The following KANSL3 variants were observed in gnomAD, a reference collection of about 807,000 sequenced individuals.
KANSL3 encodes the protein NSL complex protein NSL3.
In KANSL3, 16 loss-of-function variants were observed where a neutral mutation model predicts 89.2. The observed-to-expected ratio is 0.18, with a 90% CI of 0.12 to 0.27. KANSL3 has a LOEUF of 0.27. KANSL3 is among the 10% of genes least tolerant of loss of function. The pLI, the probability that KANSL3 is intolerant of heterozygous loss-of-function variation, is 1.00. For synonymous variants in KANSL3, 385 were observed against 419.7 expected (o/e 0.92, Z 1.01); for missense variants, 879 against 1,110.6 (o/e 0.79, Z 2.96).
chr2:96,626,219 A>AT (rs1336489644), intron 3 of KANSL3, among the ~76,000 whole-genome samples: 8 of 151,780 alleles, frequency 5.3e-5, no homozygotes, highest in Non-Finnish European at 7.4e-5. Context: ...TATCTAAAGG[A>AT]TTTTTTTTTA....
At chr2:96,615,450 T>C (rs1455822596) in intron 5 of KANSL3, 38 of 1,097,280 alleles carry the variant, frequency 3.5e-5, no homozygotes, top group African/African-American at 6.5e-5. Context: ...AATGTGACAT[T>C]ACAGATGTGC....
chr2:96,604,761 G>A lies in KANSL3; in HGVS notation c.2018+18C>T. The A allele has an allele frequency of 1.3e-6, 2 of 1,570,110 alleles. No individual in the cohort carries two copies. ...AGGGAAAAAAGGAATAGACACAGAT[G>A]GTCCAATAAACACTCACTTGGCTGT... On this transcript the variant is annotated intron_variant, in intron 16 of 20. Transcript: ENST00000431828.
At chr2:96,584,386 G>A in the KANSL3 span, among the ~76,000 whole-genome samples, 1 of 152,200 alleles carries the variant, frequency 6.6e-6, no homozygotes, top group Non-Finnish European at 1.5e-5. Flanking sequence ...TTCAAAGCGT[G>A]TATACAATGT....
chr2:96,608,749 G>A, intron 13 of KANSL3, 85 bp from the exon 14 acceptor site: 1 of 1,579,264 alleles, frequency 6.3e-7, no homozygotes, highest in Non-Finnish European at 8.7e-7. Context: ...AATTCCCCTT[G>A]TAGGAACTCA....
chr2:96,631,194 G>T, intron 3 of KANSL3, 118 bp downstream of exon 3: 2 of 739,708 alleles, frequency 2.7e-6, no homozygotes, highest in East Asian at 2.7e-5. Flanking sequence ...GTGAGACTTT[G>T]GAGAACACTC....
chr2:96,627,377 C>A (rs1436879690), intron 3 of KANSL3, among the ~76,000 whole-genome samples: 3 of 152,014 alleles, frequency 2.0e-5, no homozygotes, highest in East Asian at 3.9e-4. Flanking sequence ...ACCACACCAG[C>A]TAATTTTTAC....
At chr2:96,609,942 C>T (rs577503514) in intron 11 of KANSL3, among the ~76,000 whole-genome samples, 3 of 115,494 alleles carry the variant, frequency 2.6e-5, no homozygotes, top group South Asian at 2.8e-4. Context: ...CAGAGCCAGG[C>T]GCCACCTCAA....
intron 3 of KANSL3, among the ~76,000 whole-genome samples, chr2:96,630,432 T>C (rs1265344333): frequency 6.6e-6 from 1 of 152,208 alleles, no homozygotes; most frequent in African/African-American, 2.4e-5. Context: ...AAAGACCACA[T>C]ATTGCATGAT....
At chr2:96,617,198 G>A (rs1311833862) in intron 5 of KANSL3, among the ~76,000 whole-genome samples, 1 of 152,174 alleles carries the variant, frequency 6.6e-6, no homozygotes, top group Non-Finnish European at 1.5e-5. Context: ...ACAGGGGAAA[G>A]TCTGGGACTC....
chr2:96,635,657 G>A (rs935989615), intron 2 of KANSL3, among the ~76,000 whole-genome samples: 1 of 152,152 alleles, frequency 6.6e-6, no homozygotes, highest in African/African-American at 2.4e-5. Context: ...TAAAGTCATT[G>A]GGAAATGAAA....
Position 96,612,358 on chromosome 2 carries a change from A to G in KANSL3, c.1015-5T>C. The G allele has an allele frequency of 6.2e-7, 1 of 1,613,282 alleles. No individual in the cohort carries two copies. The highest frequency in any genetic ancestry group is 8.5e-7 in the Non-Finnish European group (1 of 1,179,260). Reference sequence around the variant, plus strand: ...GTGTGGGAAATGGCTGTGAATCTTCATGGGAAGAGAAAGAAGACAGTAAGA... The same window carrying G: ...GTGTGGGAAATGGCTGTGAATCTTCGTGGGAAGAGAAAGAAGACAGTAAGA... On this transcript the variant is annotated splice_polypyrimidine_tract_variant and splice_region_variant and intron_variant, in intron 8 of 20. Transcript: ENST00000431828.
chr2:96,599,232 C>T (rs2066857683), intron 20 of KANSL3, among the ~76,000 whole-genome samples: 1 of 152,030 alleles, frequency 6.6e-6, no homozygotes, highest in African/African-American at 2.4e-5. Flanking sequence ...ACTTAACATA[C>T]AAAAGTGAAC....
At chr2:96,584,401 T>C in the KANSL3 span, among the ~76,000 whole-genome samples, 1 of 152,242 alleles carries the variant, frequency 6.6e-6, no homozygotes, top group Non-Finnish European at 1.5e-5. Context: ...CAATGTGTAA[T>C]GATCAAATCA....
chr2:96,620,766 G>A (rs943184342), intron 3 of KANSL3, among the ~76,000 whole-genome samples: 1 of 152,196 alleles, frequency 6.6e-6, no homozygotes, highest in Non-Finnish European at 1.5e-5. Flanking sequence ...ACTTTGGGAG[G>A]CCAAGTGGAG....
chr2:96,629,323 CTT>C (rs977532774), intron 3 of KANSL3, among the ~76,000 whole-genome samples: 1 of 151,914 alleles, frequency 6.6e-6, no homozygotes, highest in African/African-American at 2.4e-5. Context: ...CTCAAAAGAG[CTT>C]TTTTTTCTTT....
chr2:96,589,033 T>C (rs1558632202), downstream of KANSL3, among the ~76,000 whole-genome samples: 1 of 152,182 alleles, frequency 6.6e-6, no homozygotes, highest in Non-Finnish European at 1.5e-5. Context: ...GTTACATATA[T>C]ATAAAGTAAC....
intron 5 of KANSL3, chr2:96,614,955 AT>A (rs1296750094): frequency 6.6e-6 from 1 of 151,676 alleles, no homozygotes; most frequent in African/African-American, 2.4e-5. Context: ...AATTAAAAAA[AT>A]AAAAAAAGAT....
At chr2:96,626,502 T>G (rs1196052781) in intron 3 of KANSL3, among the ~76,000 whole-genome samples, 3 of 152,192 alleles carry the variant, frequency 2.0e-5, no homozygotes, top group Admixed American at 6.5e-5. Context: ...GGGGTGTTTT[T>G]GGCTGGAATT....
In KANSL3 at chr2:96,624,571, G is replaced by T. The variant is rs143716948; in HGVS notation, c.387-4809C>A. 2.3e-3 allele frequency among the ~76,000 whole-genome samples: 343 copies of T among 152,226 alleles called. 2 individuals carry two copies. Among genetic ancestry groups the T allele is most frequent in the African/African-American group, 8.0e-3 (334 of 41,548 alleles). On this transcript the variant is annotated intron_variant, in intron 3 of 20. Coordinates refer to ENST00000431828, the MANE Select transcript of KANSL3 (RefSeq NM_001115016.3). ...CAGTCTTGCTCTGTCGTCCAGGCTG[G>T]AGCGCAATGGCGTGATCTCGGCTCA...
Sources: gnomAD v4.1 joint callset for allele counts (sites outside exome capture counted in the v4.1 genomes callset) on GRCh38, gnomAD v4.1.1 for gene constraint, MANE v1.5 for transcripts, NCBI Gene and HGNC (gene_info 2026-07-23, HGNC 2026-07-21) for gene names.